ABCC9: variants seen among roughly 807,000 people sequenced by gnomAD.
ABCC9 encodes ATP-binding cassette sub-family C member 9.
In ABCC9, 95 loss-of-function variants were observed where a neutral mutation model predicts 188.3. The ratio of observed to expected loss-of-function variants is 0.50; its 90% CI spans 0.43 to 0.60. The LOEUF is 0.60. Ranked by LOEUF, ABCC9 falls within the 20% of genes least tolerant of loss-of-function variation. ABCC9 has a pLI of 0.00. For synonymous variants in ABCC9, 659 were observed against 652.7 expected (o/e 1.01, Z -0.15); for missense variants, 1,102 against 1,876.3 (o/e 0.59, Z 7.62).
intron 4 of ABCC9, among the ~76,000 whole-genome samples, chr12:21,929,811 G>T (rs574947692): frequency 2.0e-5 from 3 of 152,186 alleles, no homozygotes; most frequent in East Asian, 3.9e-4. Flanking sequence ...AATTGGTTTT[G>T]TACTGGGTAT....
At chr12:21,825,699 G>A (rs773574738) in intron 31 of ABCC9, among the ~76,000 whole-genome samples, 57 of 152,092 alleles carry the variant, frequency 3.7e-4, no homozygotes, top group Non-Finnish European at 7.1e-4. Context: ...TGTGGATCAC[G>A]GGTTGATGGG....
At position 21,801,179 on chromosome 12, in the gene ABCC9, A is replaced by G; in HGVS notation, c.4515T>C (p.His1505=). 1 of 1,613,914 alleles carries G rather than the reference A, an allele frequency of 6.2e-7. No individual in the cohort carries two copies. The highest frequency in any genetic ancestry group is 8.5e-7 in the Non-Finnish European group (1 of 1,179,914). The change falls in exon 40 of 40, where the codon CAT becomes CAC. Residue 1505 remains histidine, a splice_region_variant and synonymous_variant. Coordinates refer to ENST00000261200, the MANE Select transcript of ABCC9 (RefSeq NM_020297.4). ...CTGCCGTCAGAATAGTGTGTACTCG[A>G]TGCTGTGAGTGAAAAGAAAACATGT... is the stretch of plus-strand genomic sequence containing the variant. ...FADRTVVTIA[H]RVHTILTADL...
At chr12:21,878,180 G>A (rs755506698) in intron 16 of ABCC9, among the ~76,000 whole-genome samples, 13 of 152,038 alleles carry the variant, frequency 8.6e-5, no homozygotes, top group Middle Eastern at 3.4e-3. Context: ...TTATATGTGT[G>A]GTATCAATGA....
At chr12:21,836,518 A>G (rs1944105277) in intron 30 of ABCC9, among the ~76,000 whole-genome samples, 1 of 152,132 alleles carries the variant, frequency 6.6e-6, no homozygotes, top group Admixed American at 6.6e-5. Context: ...CCTCATTCAA[A>G]GATTTGTTAT....
intron 12 of ABCC9, among the ~76,000 whole-genome samples, chr12:21,897,251 A>G (rs187237553): frequency 1.3e-3 from 204 of 152,232 alleles, no homozygotes; most frequent in African/African-American, 4.9e-3. Context: ...TCCTTTGCCC[A>G]CTTTTTAAGA....
intron 24 of ABCC9, 121 bp downstream of exon 24, chr12:21,851,976 A>G (rs1944991890): frequency 8.4e-7 from 1 of 1,191,916 alleles, no homozygotes. Flanking sequence ...TGGATTTCAG[A>G]TAAAGACCAT....
intron 31 of ABCC9, among the ~76,000 whole-genome samples, chr12:21,822,307 T>C (rs1373130952): frequency 6.6e-6 from 1 of 151,608 alleles, no homozygotes; most frequent in Non-Finnish European, 1.5e-5. Context: ...CTACCACTGC[T>C]AAAAACTGTT....
intron 31 of ABCC9, among the ~76,000 whole-genome samples, chr12:21,819,868 T>C (rs2048529756): frequency 6.6e-6 from 1 of 152,180 alleles, no homozygotes; most frequent in South Asian, 2.1e-4. Flanking sequence ...GGCAATAAAT[T>C]CCACAGAGGT....
At chr12:21,901,272 C>T (rs1194101203) in intron 12 of ABCC9, among the ~76,000 whole-genome samples, 1 of 152,116 alleles carries the variant, frequency 6.6e-6, no homozygotes, top group African/African-American at 2.4e-5. Context: ...TTTGTCACCA[C>T]CAGACCTGCC....
chr12:21,898,580 T>A (rs890610541), intron 12 of ABCC9, among the ~76,000 whole-genome samples: 1 of 152,194 alleles, frequency 6.6e-6, no homozygotes, highest in Admixed American at 6.5e-5. Context: ...ATGTTTATAA[T>A]CTTTAAACTC....
chr12:21,914,916 T>C lies in ABCC9; in HGVS notation c.816+752A>G, dbSNP rs1023178263. On this transcript the variant is annotated intron_variant, in intron 7 of 39. Coordinates refer to ENST00000261200, the MANE Select transcript of ABCC9 (RefSeq NM_020297.4). ...CTTTGTGTCCTTTTTTTTTTTTTTT[T>C]TGAGGCAGAGTTTCACTCTTGTTGC... 4.6e-5 allele frequency among the ~76,000 whole-genome samples: 7 copies of C among 151,468 alleles called. 1 individual carries two copies. The highest frequency in any genetic ancestry group is 6.4e-3 in the Middle Eastern group (2 of 314).
At chr12:21,918,594 C>T (rs1043953483) in intron 5 of ABCC9, among the ~76,000 whole-genome samples, 1 of 152,146 alleles carries the variant, frequency 6.6e-6, no homozygotes, top group African/African-American at 2.4e-5. Context: ...CAGCTTAAAA[C>T]TGCACACATT....
At chr12:21,895,137 A>T (rs541019183) in intron 13 of ABCC9, 138 bp downstream of exon 13, 1 of 730,256 alleles carries the variant, frequency 1.4e-6, no homozygotes, top group South Asian at 1.9e-5. Context: ...CTGGATTAGA[A>T]CTCTTGCAAT....
intron 31 of ABCC9, among the ~76,000 whole-genome samples, chr12:21,820,082 T>C (rs1942944479): frequency 6.6e-6 from 1 of 152,174 alleles, no homozygotes; most frequent in Non-Finnish European, 1.5e-5. Context: ...GCAATATGAA[T>C]TTTTTCCTTT....
chr12:21,832,153 A>T (rs1442347094), intron 30 of ABCC9, among the ~76,000 whole-genome samples: 1 of 152,184 alleles, frequency 6.6e-6, no homozygotes, highest in Non-Finnish European at 1.5e-5. Flanking sequence ...GAACATTCTT[A>T]GACCTTTATT....
At chr12:21,867,631 G>A (rs1945843363) in intron 18 of ABCC9, among the ~76,000 whole-genome samples, 1 of 152,066 alleles carries the variant, frequency 6.6e-6, no homozygotes, top group Admixed American at 6.6e-5. Context: ...ATCTGACCCA[G>A]GAAAGCTGAC....
At chr12:21,876,946 T>A (rs544059268) in intron 16 of ABCC9, among the ~76,000 whole-genome samples, 1 of 152,204 alleles carries the variant, frequency 6.6e-6, no homozygotes, top group Admixed American at 6.5e-5. Flanking sequence ...TCCATGCAGG[T>A]TTTCTGTAGC....
chr12:21,813,970 C>T (rs1403495342), intron 35 of ABCC9, among the ~76,000 whole-genome samples: 1 of 152,080 alleles, frequency 6.6e-6, no homozygotes, highest in Non-Finnish European at 1.5e-5. Context: ...ATTGCTGGAT[C>T]CTCTTTCATT....
chr12:21,887,192 A>G (rs1946919203), intron 15 of ABCC9, among the ~76,000 whole-genome samples: 3 of 152,228 alleles, frequency 2.0e-5, no homozygotes, highest in African/African-American at 7.2e-5. Context: ...CATGTAATGC[A>G]TGACAAAATA....
Sources: gnomAD v4.1 joint callset for allele counts (sites outside exome capture counted in the v4.1 genomes callset) on GRCh38, gnomAD v4.1.1 for gene constraint, MANE v1.5 for transcripts, NCBI Gene and HGNC (gene_info 2026-07-23, HGNC 2026-07-21) for gene names.